Variants in NKD1 observed in about 807,000 individuals in gnomAD.
NKD1 encodes the protein protein naked cuticle homolog 1.
A neutral mutation model predicts 56.0 loss-of-function variants in NKD1; 21 were observed. The observed-to-expected ratio is 0.38, with a 90% CI of 0.27 to 0.54. NKD1 has a LOEUF of 0.54. Ranked by LOEUF, NKD1 falls within the 20% of genes least tolerant of loss-of-function variation. NKD1 has a pLI of 0.82. For missense variants in NKD1, 578 were observed against 642.7 expected, an observed-to-expected ratio of 0.90 and a Z score of 1.09; for synonymous variants, 263 against 265.7, an observed-to-expected ratio of 0.99 and a Z score of 0.10.
In NKD1 at chr16:50,627,630, C is replaced by T. The variant is rs746720384; in HGVS notation, c.462+2050C>T. On this transcript the variant is annotated intron_variant, in intron 6 of 9. Transcript: ENST00000268459. ...CCAGGGCAGATGGGCTCCCACCTCA[C>T]GGCATCTGCAGCCCAGAGCTGGGGT... Among the ~76,000 whole-genome samples, 7 of 152,350 alleles carry T rather than the reference C, an allele frequency of 4.6e-5. 1 individual carries two copies. Among genetic ancestry groups the T allele is most frequent in the Admixed American group, 1.3e-4 (2 of 15,302 alleles).
chr16:50,574,965 A>G (rs1016135347), intron 3 of NKD1: 4 of 985,252 alleles, frequency 4.1e-6, no homozygotes, highest in South Asian at 9.4e-5. Context: ...GGCTTAGGGC[A>G]TTCTTTAAAA....
chr16:50,603,835 C>G (rs558902509), intron 3 of NKD1, among the ~76,000 whole-genome samples: 7 of 152,342 alleles, frequency 4.6e-5, no homozygotes, highest in Non-Finnish European at 7.3e-5. Context: ...GAGCTGGCCT[C>G]TCTTCCTGGG....
intron 5 of NKD1, among the ~76,000 whole-genome samples, chr16:50,621,911 C>A (rs905809558): frequency 4.6e-5 from 7 of 152,240 alleles, no homozygotes; most frequent in Non-Finnish European, 7.3e-5. Flanking sequence ...GCTGCCCACC[C>A]CCTCAGCCCA....
chr16:50,567,903 C>T (rs2151265829), intron 3 of NKD1, among the ~76,000 whole-genome samples: 1 of 152,370 alleles, frequency 6.6e-6, no homozygotes, highest in South Asian at 2.1e-4. Context: ...CTGGCCTCTG[C>T]CATATTTCAC....
At chr16:50,559,947 G>A (rs940270728) in intron 3 of NKD1, among the ~76,000 whole-genome samples, 2 of 152,138 alleles carry the variant, frequency 1.3e-5, no homozygotes, top group Non-Finnish European at 2.9e-5. Flanking sequence ...AGAAGGCTGC[G>A]TGGGCTGGTG....
At chr16:50,568,773 A>G (rs1290493580) in intron 3 of NKD1, among the ~76,000 whole-genome samples, 1 of 152,074 alleles carries the variant, frequency 6.6e-6, no homozygotes, top group Non-Finnish European at 1.5e-5. Context: ...TTAGGGGGAA[A>G]CAGATTGGCT....
At chr16:50,559,445 G>A (rs767425252) in intron 3 of NKD1, among the ~76,000 whole-genome samples, 60 of 151,994 alleles carry the variant, frequency 3.9e-4, no homozygotes, top group Non-Finnish European at 6.8e-4. Flanking sequence ...CAGAAGGCAC[G>A]GGATGTGCAA....
chr16:50,617,217 G>C (rs1961981875), intron 4 of NKD1, among the ~76,000 whole-genome samples: 1 of 152,056 alleles, frequency 6.6e-6, no homozygotes, highest in Admixed American at 6.6e-5. Context: ...GGGGTGTCTA[G>C]ACCCACAGTC....
chr16:50,591,223 G>A (rs2151271921), intron 3 of NKD1, among the ~76,000 whole-genome samples: 1 of 152,316 alleles, frequency 6.6e-6, no homozygotes, highest in Admixed American at 6.5e-5. Context: ...CATGCAGGTA[G>A]ATATTTGCCG....
At chr16:50,601,477 G>A (rs1961595370) in intron 3 of NKD1, among the ~76,000 whole-genome samples, 3 of 152,226 alleles carry the variant, frequency 2.0e-5, no homozygotes, top group Admixed American at 2.0e-4. Flanking sequence ...GGGCAAAACA[G>A]ACCCAGAGTC....
chr16:50,573,433 C>A (rs1432341343), intron 3 of NKD1, among the ~76,000 whole-genome samples: 1 of 152,268 alleles, frequency 6.6e-6, no homozygotes, highest in Non-Finnish European at 1.5e-5. Flanking sequence ...CTGGGCTCTT[C>A]TTCATCCCCT....
In NKD1 at chr16:50,549,680, C is replaced by CA. The variant is rs901933210; in HGVS notation, c.192+126dup. 3.1e-6 allele frequency: 3 copies of CA among 981,170 alleles called. No individual in the cohort carries two copies. In the Admixed American group the frequency reaches 1.0e-4, roughly 34 times the overall value. 60.8% of individuals were successfully genotyped at this position (981,170 alleles called of 1,614,324 possible). ...GCTTCTGGGTCTGAAAATCTCTTCT[C>CA]AGCTGCCCCCTGCCCCACCAACGCG... On this transcript the variant is annotated intron_variant, in intron 3 of 9. Transcript: ENST00000268459.
intron 3 of NKD1, among the ~76,000 whole-genome samples, chr16:50,578,715 A>G (rs1470368867): frequency 3.9e-5 from 6 of 152,078 alleles, no homozygotes; most frequent in Admixed American, 6.5e-5. Flanking sequence ...TCTGCAGGTG[A>G]TCAGGAGGCC....
At position 50,638,695 on chromosome 16, in the gene NKD1, C is replaced by G. The variant is rs1217404772; in HGVS notation, c.*4914C>G. 1 of 152,184 alleles carries G rather than the reference C, an allele frequency of 6.6e-6. No homozygotes were observed. Among genetic ancestry groups the G allele is most frequent in the East Asian group, 1.9e-4 (1 of 5,196 alleles). The allele number at this position is 152,184 out of a possible 1,614,324, so 9.4% of individuals were successfully genotyped here. On this transcript the variant is annotated 3_prime_UTR_variant, in exon 10 of 10. Coordinates refer to ENST00000268459, the MANE Select transcript of NKD1 (RefSeq NM_033119.5). ...ACCCTCTGCTCAGGGGCTCATACCC[C>G]CAAATGATTTTCCTGATTTATGTAT...
chr16:50,555,729 C>T (rs1287894739), intron 3 of NKD1: 1 of 152,236 alleles, frequency 6.6e-6, no homozygotes, highest in Admixed American at 6.5e-5. Context: ...TGTGCAGCCC[C>T]CCGGTACTGG....
intron 3 of NKD1, among the ~76,000 whole-genome samples, chr16:50,597,867 G>A (rs917362062): frequency 6.6e-6 from 1 of 152,178 alleles, no homozygotes; most frequent in African/African-American, 2.4e-5. Flanking sequence ...AGAATGAACC[G>A]AGTCCTCTGG....
chr16:50,579,857 C>T (rs577185970), intron 3 of NKD1, among the ~76,000 whole-genome samples: 39 of 152,318 alleles, frequency 2.6e-4, no homozygotes, highest in African/African-American at 8.9e-4. Context: ...GCCATGCATG[C>T]ACTCTCTTAG....
At chr16:50,573,362 C>A (rs762291425) in intron 3 of NKD1, among the ~76,000 whole-genome samples, 23 of 152,242 alleles carry the variant, frequency 1.5e-4, no homozygotes, top group Admixed American at 4.6e-4. Flanking sequence ...GCCCTGTGGG[C>A]AGGTGGACAT....
intron 3 of NKD1, among the ~76,000 whole-genome samples, chr16:50,586,212 G>A (rs1181011220): frequency 2.0e-5 from 3 of 152,020 alleles, no homozygotes; most frequent in South Asian, 2.1e-4. Context: ...TTTTCACCTC[G>A]TTCTTCTGTG....
Sources: allele counts gnomAD v4.1 joint callset (sites outside exome capture counted in the v4.1 genomes callset), GRCh38; gene constraint gnomAD v4.1.1; transcripts MANE v1.5; gene names NCBI Gene and HGNC (gene_info 2026-07-23, HGNC 2026-07-21).